ANO3: variants seen among roughly 807,000 people sequenced by gnomAD.
ANO3 encodes anoctamin 3.
ANO3 carries 99 observed loss-of-function variants against 144.8 expected under a neutral mutation model. The ratio of observed to expected loss-of-function variants is 0.68; its 90% confidence interval spans 0.58 to 0.81. The LOEUF is 0.81. Ranked by LOEUF, ANO3 falls within the 30% of genes least tolerant of loss-of-function variation. The probability of loss-of-function intolerance (pLI) is 0.00; values close to 1 mark genes in which losing one functional copy is unlikely to be tolerated. For synonymous variants in ANO3, 414 were observed against 392.6 expected, an observed-to-expected ratio of 1.05 and a Z score of -0.64; for missense variants, 905 against 1,202.2, an observed-to-expected ratio of 0.75 and a Z score of 3.66.
chr11:26,337,884 G>A (rs1216039427), intron 1 of ANO3, among the ~76,000 whole-genome samples: 2 of 151,974 alleles, frequency 1.3e-5, no homozygotes, highest in Non-Finnish European at 2.9e-5. Flanking sequence ...GCAGTGAGCC[G>A]AGATTGCACC....
chr11:26,266,671 G>T (rs1429837961), intron 1 of ANO3, among the ~76,000 whole-genome samples: 1 of 151,752 alleles, frequency 6.6e-6, no homozygotes, highest in African/African-American at 2.4e-5. Context: ...CTGACATTGT[G>T]GTCCACCCGC....
At chr11:26,373,796 A>C (rs1856329227) in intron 1 of ANO3, among the ~76,000 whole-genome samples, 1 of 152,180 alleles carries the variant, frequency 6.6e-6, no homozygotes, top group Non-Finnish European at 1.5e-5. Context: ...AAAAGTAATT[A>C]ACAGTTTGGT....
rs1231671087 is a variant in ANO3, at chr11:26,508,233, A to G, written c.562A>G (p.Arg188Gly). The change falls in exon 5 of 27, where the codon AGA (arginine) becomes GGA (glycine). Residue 188 changes from arginine (R) to glycine (G), a missense_variant. Arg to Gly is a moderately radical substitution (Grantham distance 125). Transcript: ENST00000256737. The part of the protein sequence containing the change: ...DKRNTFEKNL[R>G]AEGLMLEKEP... The stretch of plus-strand genomic sequence containing the variant: ...AAGAAACACATTTGAAAAGAACCTC[A>G]GAGCAGAAGGCTTGATGTTGGAGAA... 1 of 1,598,796 alleles carries G rather than the reference A, an allele frequency of 6.3e-7. No homozygotes were observed. Among genetic ancestry groups the G allele is most frequent in the Non-Finnish European group, 8.5e-7 (1 of 1,175,420 alleles).
intron 14 of ANO3, chr11:26,560,969 G>T: frequency 8.2e-7 from 1 of 1,225,182 alleles, no homozygotes; most frequent in Non-Finnish European, 1.1e-6. Context: ...CAAAATCCAC[G>T]TGACAGTAAT....
chr11:26,588,851 T>G (rs1021234509), intron 14 of ANO3, among the ~76,000 whole-genome samples: 3 of 152,258 alleles, frequency 2.0e-5, no homozygotes, highest in Non-Finnish European at 2.9e-5. Flanking sequence ...ATATTCCACT[T>G]TCCTCTTAAG....
In ANO3 at chr11:26,663,261, C is replaced by T. The variant is rs1213132899; in HGVS notation, c.*2817C>T. On this transcript the variant is annotated 3_prime_UTR_variant, in exon 27 of 27. Coordinates refer to ENST00000256737, the MANE Select transcript of ANO3 (RefSeq NM_031418.4). ...TGATGGAATGAATAGAAAACTTTTT[C>T]ACTCAATAAATTATTATTTGATATG... is the stretch of plus-strand genomic sequence containing the variant. The T allele has an allele frequency of 2.0e-5, 3 of 152,038 alleles. No individual in the cohort carries two copies. The highest frequency in any genetic ancestry group is 4.4e-5 in the Non-Finnish European group (3 of 67,964). 9.4% of individuals were successfully genotyped at this position (152,038 alleles called of 1,614,324 possible).
chr11:26,603,268 G>A (rs1438150979), intron 17 of ANO3, among the ~76,000 whole-genome samples: 3 of 151,932 alleles, frequency 2.0e-5, no homozygotes, highest in South Asian at 2.1e-4. Context: ...CCTCTTGAAA[G>A]GAAGAATACA....
intron 1 of ANO3, among the ~76,000 whole-genome samples, chr11:26,319,072 G>A (rs2133877361): frequency 6.6e-6 from 1 of 152,058 alleles, no homozygotes; most frequent in Non-Finnish European, 1.5e-5. Flanking sequence ...AAGCTCCCAG[G>A]CTCACATGAC....
At position 26,243,893 on chromosome 11, in the gene ANO3, G is replaced by A. The variant is rs144853850; in HGVS notation, c.154+54563G>A. ...CCAGCACTTTGGGAGGCCGAGGTGCGCAGATCAAGAGGTCAGGAGTTCGAT... is the reference window on the plus strand; with the variant it reads ...CCAGCACTTTGGGAGGCCGAGGTGCACAGATCAAGAGGTCAGGAGTTCGAT... On this transcript the variant is annotated intron_variant, in intron 1 of 27. Transcript: ENST00000672621. Among the ~76,000 whole-genome samples, 578 of 152,162 alleles carry A rather than the reference G, an allele frequency of 3.8e-3. 16 individuals carry two copies. In the East Asian group the frequency reaches 0.05, roughly 13 times the overall value.
In ANO3 at chr11:26,482,424, ATATGTGTGTGTGTGTG is replaced by A. The variant is rs147375547; in HGVS notation, c.432+19278_432+19293del. 3.4e-3 allele frequency among the ~76,000 whole-genome samples: 370 copies of A among 109,806 alleles called. 1 individual carries two copies. Among genetic ancestry groups the A allele is most frequent in the African/African-American group, 0.013 (356 of 27,932 alleles). 72.0% of individuals were successfully genotyped at this position (109,806 alleles called of 152,430 possible). A position where few individuals can be genotyped will look rare whatever the true frequency, so the allele number is the denominator to read the frequency against. ...ATTTTGCAGTAATTTGAACACAGAT[ATATGTGTGTGTGTGTG>A]TGTGTGTGTGTGTGTGTGTGTGTGT... On this transcript the variant is annotated intron_variant, in intron 4 of 26. Transcript: ENST00000256737.
At chr11:26,334,404 T>C (rs1202263755) in intron 1 of ANO3, among the ~76,000 whole-genome samples, 1 of 152,214 alleles carries the variant, frequency 6.6e-6, no homozygotes, top group East Asian at 1.9e-4. Flanking sequence ...ATGTGATCTG[T>C]CCTAGGAGGT....
chr11:26,323,394 C>A (rs946194283), intron 1 of ANO3, among the ~76,000 whole-genome samples: 1 of 152,012 alleles, frequency 6.6e-6, no homozygotes, highest in African/African-American at 2.4e-5. Flanking sequence ...TATTTCTGAC[C>A]ACTGGAATCC....
At chr11:26,223,903 T>C (rs1043646689) in intron 1 of ANO3, among the ~76,000 whole-genome samples, 19 of 152,130 alleles carry the variant, frequency 1.2e-4, no homozygotes, top group African/African-American at 4.6e-4. Flanking sequence ...AAGGCATTCA[T>C]ATAAGGGATT....
chr11:26,474,519 T>G (rs1025341550), intron 4 of ANO3, among the ~76,000 whole-genome samples: 1 of 151,870 alleles, frequency 6.6e-6, no homozygotes, highest in Non-Finnish European at 1.5e-5. Context: ...TTCATCAAAA[T>G]AGAAAGTCAG....
At chr11:26,632,194 GA>G (rs112398235) in intron 18 of ANO3, among the ~76,000 whole-genome samples, 115 of 133,018 alleles carry the variant, frequency 8.6e-4, no homozygotes, top group East Asian at 2.4e-3. Context: ...TCCATCTCAA[GA>G]AAAAAAAAAA....
intron 14 of ANO3, among the ~76,000 whole-genome samples, chr11:26,581,067 AT>A (rs763006628): frequency 7.2e-5 from 11 of 152,180 alleles, no homozygotes; most frequent in Non-Finnish European, 1.3e-4. Flanking sequence ...TCTATTCCAA[AT>A]TATGTTTGAA....
chr11:26,460,431 G>A (rs1217664873), intron 3 of ANO3, among the ~76,000 whole-genome samples: 5 of 11,194 alleles, frequency 4.5e-4, no homozygotes, highest in Admixed American at 2.4e-3. Flanking sequence ...GGGGGGGGGC[G>A]GGCGGGTGGA....
At position 26,548,460 on chromosome 11, in the gene ANO3, G is replaced by A. The variant is rs1373765092; in HGVS notation, c.1289+910G>A. On this transcript the variant is annotated intron_variant, in intron 12 of 26. Coordinates refer to ENST00000256737, the MANE Select transcript of ANO3 (RefSeq NM_031418.4). ...AAAGCTCAATGCTTTCTTCTCTTTT[G>A]GTCCATTTTTTAACCATGGCCTTGC... 4.6e-5 allele frequency among the ~76,000 whole-genome samples: 7 copies of A among 151,680 alleles called. No individual in the cohort carries two copies. In the East Asian group the frequency reaches 1.4e-3, roughly 29 times the overall value.
intron 20 of ANO3, 50 bp from the exon 21 acceptor site, chr11:26,639,094 C>A: frequency 7.9e-7 from 1 of 1,262,094 alleles, no homozygotes; most frequent in Non-Finnish European, 1.2e-6. Flanking sequence ...CATGTCTGAG[C>A]CTACTGGGAA....
Sources: allele counts gnomAD v4.1 joint callset (sites outside exome capture counted in the v4.1 genomes callset), GRCh38; gene constraint gnomAD v4.1.1; transcripts MANE v1.5; gene names NCBI Gene and HGNC (gene_info 2026-07-23, HGNC 2026-07-21).